GABRB2: variants seen among roughly 807,000 people sequenced by gnomAD.
GABRB2 encodes the protein gamma-aminobutyric acid type A receptor subunit beta2, also known as gamma-aminobutyric acid receptor subunit beta-2.
Under a neutral mutation model 54.7 loss-of-function variants are expected in GABRB2, and 16 were observed. The ratio of observed to expected loss-of-function variants is 0.29; its 90% CI spans 0.20 to 0.44. The LOEUF (loss-of-function observed/expected upper bound fraction) is 0.44, where lower values mean the gene tolerates loss of function less well. Ranked by LOEUF, GABRB2 falls within the 20% of genes least tolerant of loss-of-function variation. The pLI, the probability that GABRB2 is intolerant of heterozygous loss-of-function variation, is 1.00. For synonymous variants in GABRB2, 244 were observed against 233.8 expected (o/e 1.04, Z -0.40); for missense variants, 355 against 644.0 (o/e 0.55, Z 4.86).
chr5:161,317,390 C>T (rs1758074055), intron 9 of GABRB2, among the ~76,000 whole-genome samples: 1 of 152,198 alleles, frequency 6.6e-6, no homozygotes, highest in Admixed American at 6.5e-5. Context: ...CCGTCCCACT[C>T]TCCAAATGTA....
intron 4 of GABRB2, among the ~76,000 whole-genome samples, chr5:161,411,850 T>A (rs1292469676): frequency 2.0e-5 from 3 of 152,122 alleles, no homozygotes; most frequent in Non-Finnish European, 4.4e-5. Context: ...AAGGTATGTT[T>A]TCTGATTAAT....
At chr5:161,418,828 T>A (rs1485038645) in intron 4 of GABRB2, among the ~76,000 whole-genome samples, 4 of 152,088 alleles carry the variant, frequency 2.6e-5, no homozygotes, top group Admixed American at 6.6e-5. Context: ...GGGCAAAAGA[T>A]ATTAACAGAG....
chr5:161,418,245 T>C (rs189297059), intron 4 of GABRB2, among the ~76,000 whole-genome samples: 144 of 152,346 alleles, frequency 9.5e-4, no homozygotes, highest in Admixed American at 2.0e-3. Context: ...TTAATAGATA[T>C]AGATACATCA....
chr5:161,410,246 A>G (rs1756467292), intron 5 of GABRB2, among the ~76,000 whole-genome samples: 1 of 152,142 alleles, frequency 6.6e-6, no homozygotes, highest in South Asian at 2.1e-4. Context: ...TCCCTATGTG[A>G]CCTCCAAAAT....
At chr5:161,497,528 A>ATGTG (rs1212086112) in intron 3 of GABRB2, among the ~76,000 whole-genome samples, 6 of 77,130 alleles carry the variant, frequency 7.8e-5, no homozygotes, top group African/African-American at 1.2e-4. Flanking sequence ...GAGTGTGTGT[A>ATGTG]TATGTGTGTG....
At chr5:161,359,440 G>GACACACACACACACACACACACAC (rs57251440) in intron 5 of GABRB2, among the ~76,000 whole-genome samples, 172 of 147,798 alleles carry the variant, frequency 1.2e-3, no homozygotes, top group Middle Eastern at 3.4e-3. Context: ...AATTGCATCT[G>GACACACACACACACACACACACAC]ACACACACAC....
At chr5:161,345,606 C>T (rs376011329) in intron 5 of GABRB2, among the ~76,000 whole-genome samples, 1 of 152,080 alleles carries the variant, frequency 6.6e-6, no homozygotes, top group Non-Finnish European at 1.5e-5. Flanking sequence ...CAAATTTCTG[C>T]ACCCTTTAAA....
At chr5:161,494,469 C>T (rs12153038) in intron 3 of GABRB2, among the ~76,000 whole-genome samples, 31,030 of 151,132 alleles carry the variant, frequency 0.21, 3,634 homozygotes, top group Non-Finnish European at 0.27. Context: ...AGTAAGTTGA[C>T]TTATGGTTAG....
At position 161,534,909 on chromosome 5, in the gene GABRB2, T is replaced by G. The variant is rs145147520; in HGVS notation, c.237+10318A>C. Among the ~76,000 whole-genome samples, 51 of 151,882 alleles carry G rather than the reference T, an allele frequency of 3.4e-4. No homozygotes were observed. In the East Asian group the frequency reaches 9.9e-3, roughly 29 times the overall value. ...TCATTATTGAAAATTCAACGGAAAA[T>G]TAGGTCTTGATAATAAAAGAAAAAA... On this transcript the variant is annotated intron_variant, in intron 3 of 9. Coordinates refer to ENST00000393959, the MANE Select transcript of GABRB2 (RefSeq NM_001371727.1).
At chr5:161,339,630 T>A (rs573297717) in intron 5 of GABRB2, among the ~76,000 whole-genome samples, 107 of 152,248 alleles carry the variant, frequency 7.0e-4, no homozygotes, top group African/African-American at 2.5e-3. Context: ...TTCATTTTAC[T>A]AGGAAGTCTA....
At chr5:161,464,111 AT>A (rs1304890721) in intron 3 of GABRB2, among the ~76,000 whole-genome samples, 15 of 152,090 alleles carry the variant, frequency 9.9e-5, no homozygotes. Flanking sequence ...CCTCAACAGA[AT>A]TTAAGGTTTT....
intron 3 of GABRB2, among the ~76,000 whole-genome samples, chr5:161,542,205 A>G (rs1760841867): frequency 6.6e-6 from 1 of 152,204 alleles, no homozygotes; most frequent in Non-Finnish European, 1.5e-5. Flanking sequence ...CTGATCACTG[A>G]TCACCACAGA....
rs566988486 is a variant in GABRB2 at position 161,325,708 on chromosome 5, C to T, written c.1191+660G>A. On this transcript the variant is annotated intron_variant, in intron 9 of 9. Transcript: ENST00000393959. Reference sequence around the variant, plus strand: ...TCAATTTGGAGGGCAATATGAATGACAACTTGCCAATTAAGATCACCAACA... The same window carrying T: ...TCAATTTGGAGGGCAATATGAATGATAACTTGCCAATTAAGATCACCAACA... 8.5e-5 allele frequency among the ~76,000 whole-genome samples: 13 copies of T among 152,250 alleles called. No homozygotes were observed. In the South Asian group the frequency reaches 2.3e-3, roughly 27 times the overall value.
At position 161,442,856 on chromosome 5, in the gene GABRB2, G is replaced by A. The variant is rs189719657; in HGVS notation, c.458+16768C>T. Among the ~76,000 whole-genome samples the A allele has an allele frequency of 4.5e-4, 68 of 152,044 alleles. No individual in the cohort carries two copies. In the East Asian group the frequency reaches 0.012, roughly 27 times the overall value. ...TGGTGCTACCCAAAGACATCAAAAAGTCTAGTGTCCCCAAATCTCTCTTGA... is the reference window on the plus strand; with the variant it reads ...TGGTGCTACCCAAAGACATCAAAAAATCTAGTGTCCCCAAATCTCTCTTGA... On this transcript the variant is annotated intron_variant, in intron 4 of 9. Coordinates refer to ENST00000393959, the MANE Select transcript of GABRB2 (RefSeq NM_001371727.1).
chr5:161,512,419 A>T (rs1759801433), intron 3 of GABRB2, among the ~76,000 whole-genome samples: 1 of 151,830 alleles, frequency 6.6e-6, no homozygotes, highest in Non-Finnish European at 1.5e-5. Flanking sequence ...AGTTACACGC[A>T]TACAGCCATC....
At chr5:161,472,954 A>G (rs1758489226) in intron 3 of GABRB2, among the ~76,000 whole-genome samples, 1 of 152,002 alleles carries the variant, frequency 6.6e-6, no homozygotes, top group Non-Finnish European at 1.5e-5. Context: ...ACATGGACAT[A>G]GTAGAGAATA....
chr5:161,389,218 C>G (rs1755742246), intron 5 of GABRB2, among the ~76,000 whole-genome samples: 2 of 152,024 alleles, frequency 1.3e-5, no homozygotes, highest in African/African-American at 4.8e-5. Context: ...GAGGCTTAAA[C>G]CATTAGAAGC....
At chr5:161,523,707 A>T (rs1760187049) in intron 3 of GABRB2, among the ~76,000 whole-genome samples, 1 of 151,560 alleles carries the variant, frequency 6.6e-6, no homozygotes, top group Non-Finnish European at 1.5e-5. Context: ...GTCAAGTTGC[A>T]TCTGGTGACC....
chr5:161,396,407 G>A (rs1756004052), intron 5 of GABRB2, among the ~76,000 whole-genome samples: 1 of 152,190 alleles, frequency 6.6e-6, no homozygotes, highest in Non-Finnish European at 1.5e-5. Context: ...CTGGAAAAAT[G>A]GATACAGCAT....
Sources: allele counts gnomAD v4.1 joint callset (sites outside exome capture counted in the v4.1 genomes callset), GRCh38; gene constraint gnomAD v4.1.1; transcripts MANE v1.5; gene names NCBI Gene and HGNC (gene_info 2026-07-23, HGNC 2026-07-21).